AOX1: variants seen among roughly 807,000 people sequenced by gnomAD.
AOX1 encodes aldehyde oxidase.
AOX1 carries 153 observed loss-of-function variants against 169.5 expected under a neutral mutation model. The observed-to-expected ratio is 0.90, with a 90% CI of 0.79 to 1.03. The LOEUF is 1.03. AOX1 is among the 50% of genes least tolerant of loss of function. The probability of loss-of-function intolerance (pLI) is 0.00; values close to 1 mark genes in which losing one functional copy is unlikely to be tolerated. For synonymous variants in AOX1, 562 were observed against 581.9 expected, an observed-to-expected ratio of 0.97 and a Z score of 0.49; for missense variants, 1,656 against 1,663.9, an observed-to-expected ratio of 1.00 and a Z score of 0.08.
At chr2:200,602,056 A>G (rs2034426282) in intron 5 of AOX1, among the ~76,000 whole-genome samples, 4 of 152,016 alleles carry the variant, frequency 2.6e-5, no homozygotes, top group South Asian at 4.2e-4. Context: ...CAGAAGGCAT[A>G]ACTTTACAGG....
chr2:200,639,956 G>A (rs1454782998), intron 23 of AOX1, among the ~76,000 whole-genome samples: 1 of 150,548 alleles, frequency 6.6e-6, no homozygotes, highest in Non-Finnish European at 1.5e-5. Context: ...AGAATCGCTT[G>A]AACCTGGGAG....
At chr2:200,594,708 G>A (rs558698816) in intron 2 of AOX1, among the ~76,000 whole-genome samples, 1 of 152,318 alleles carries the variant, frequency 6.6e-6, no homozygotes, top group South Asian at 2.1e-4. Flanking sequence ...CCTAGCTGCA[G>A]AGGAGTCTGG....
intron 16 of AOX1, among the ~76,000 whole-genome samples, chr2:200,620,305 T>G (rs2034858248): frequency 6.6e-6 from 1 of 151,962 alleles, no homozygotes; most frequent in Admixed American, 6.6e-5. Context: ...TTCCAGCGAT[T>G]CTGTAGCCTC....
At chr2:200,666,795 A>G (rs776476808) in intron 32 of AOX1, 43 bp downstream of exon 32, 68 of 1,450,120 alleles carry the variant, frequency 4.7e-5, no homozygotes, top group Non-Finnish European at 6.1e-5. Flanking sequence ...TGTAAAAGCC[A>G]AAAGTGCGGT....
At chr2:200,651,300 G>T in intron 26 of AOX1, 99 bp downstream of exon 26, 1 of 999,790 alleles carries the variant, frequency 1.0e-6, no homozygotes, top group Non-Finnish European at 1.5e-6. Flanking sequence ...TTAGCCATAT[G>T]GTTGCAATGC....
rs577451341 is a variant in AOX1, at chr2:200,601,633, A to T, written c.437-651A>T. ...CTCAGTAAAATGGATTTTACTTTTT[A>T]AAAAAAAAATTAGTTTGGCTGAACA... is the stretch of plus-strand genomic sequence containing the variant. On this transcript the variant is annotated intron_variant, in intron 5 of 34. Coordinates refer to ENST00000374700, the MANE Select transcript of AOX1 (RefSeq NM_001159.4). Among the ~76,000 whole-genome samples the T allele has an allele frequency of 5.8e-3, 379 of 65,912 alleles. 4 individuals are homozygous for T. The highest frequency in any genetic ancestry group is 0.022 in the African/African-American group (350 of 16,028). 43.2% of individuals were successfully genotyped at this position (65,912 alleles called of 152,430 possible).
rs369949639 is a variant in AOX1, at chr2:200,669,608, T to A, written c.3832T>A (p.Ser1278Thr). The change falls in exon 34 of 35, where the codon TCC becomes ACC. Residue 1278 changes from serine (S) to threonine (T), a missense_variant. Transcript: ENST00000374700. The part of the protein sequence containing the change: ...LGESGVFLGC[S>T]VFFAIHDAVS... ...AGAGTCGGGGGTGTTCCTGGGGTGT[T>A]CCGTGTTTTTCGCTATCCATGACGC... The A allele has an allele frequency of 2.2e-5, 35 of 1,613,938 alleles. No homozygotes were observed. The East Asian group carries it at 6.7e-4, about 31-fold the overall frequency.
chr2:200,676,813 C>A, intron 4 of AOX1: 1 of 438,568 alleles, frequency 2.3e-6, no homozygotes, highest in Non-Finnish European at 4.7e-6. Context: ...GTTGGAGGAA[C>A]ACACTCAGGA....
chr2:200,657,035 G>A (rs190630124), intron 27 of AOX1, 98 bp downstream of exon 27: 1 of 822,058 alleles, frequency 1.2e-6, no homozygotes. Flanking sequence ...CAAAATACAG[G>A]ATAGGAAGCT....
chr2:200,637,397 TACAC>T (rs2035256547), intron 22 of AOX1, among the ~76,000 whole-genome samples: 1 of 152,156 alleles, frequency 6.6e-6, no homozygotes, highest in Admixed American at 6.5e-5. Flanking sequence ...TATATATACA[TACAC>T]ACATATATAT....
chr2:200,619,027 T>TC (rs1172144635), intron 16 of AOX1, among the ~76,000 whole-genome samples: 1 of 152,240 alleles, frequency 6.6e-6, no homozygotes, highest in African/African-American at 2.4e-5. Flanking sequence ...TTCAAGTATC[T>TC]AACTTATTGT....
chr2:200,640,237 G>A (rs1344625477), intron 23 of AOX1, among the ~76,000 whole-genome samples: 1 of 152,110 alleles, frequency 6.6e-6, no homozygotes, highest in African/African-American at 2.4e-5. Context: ...ATGCCTGACT[G>A]AGAGGGGCCT....
Position 200,627,323 on chromosome 2 carries a change from A to G in AOX1, c.2125-30A>G, listed in dbSNP as rs773080822. 8 of 1,535,948 alleles carry G rather than the reference A, an allele frequency of 5.2e-6. No individual in the cohort carries two copies. The African/African-American group carries it at 1.1e-4, about 21-fold the overall frequency. On this transcript the variant is annotated intron_variant, in intron 19 of 34. Coordinates refer to ENST00000374700, the MANE Select transcript of AOX1 (RefSeq NM_001159.4). ...GCCCTAGGGCAGGGTCTCTTGCCCA[A>G]GCTGCCTCATTCCTCTGTTCTCTTT...
chr2:200,624,003 G>T lies in AOX1; in HGVS notation c.2124+20G>T. The T allele has an allele frequency of 1.2e-6, 2 of 1,611,398 alleles. No individual in the cohort carries two copies. Among genetic ancestry groups the T allele is most frequent in the South Asian group, 2.2e-5 (2 of 91,000 alleles). On this transcript the variant is annotated intron_variant, in intron 19 of 34. Transcript: ENST00000374700. The stretch of plus-strand genomic sequence containing the variant: ...ATTGAGGTAATGAGTTCTGTGGAAT[G>T]GTGGTGCCAGTTGGGAGCCAGAACA...
chr2:200,673,021 C>T (rs1053876089), downstream of AOX1, among the ~76,000 whole-genome samples: 3 of 152,186 alleles, frequency 2.0e-5, no homozygotes, highest in Non-Finnish European at 4.4e-5. Flanking sequence ...GGCTGCAGAG[C>T]AGAAAAGTGA....
intron 12 of AOX1, among the ~76,000 whole-genome samples, chr2:200,609,933 A>T (rs2034600144): frequency 6.6e-6 from 1 of 152,182 alleles, no homozygotes; most frequent in Non-Finnish European, 1.5e-5. Flanking sequence ...CGCTTCTTCC[A>T]ACTTGCTTGA....
chr2:200,638,937 G>A lies in AOX1; in HGVS notation c.2568+635G>A, dbSNP rs532068480. ...ATAATCATTGAGGGGGGAAAGGGGA[G>A]GATTCTGCTTTATAAAATCATTCAG... On this transcript the variant is annotated intron_variant, in intron 23 of 34. Coordinates refer to ENST00000374700, the MANE Select transcript of AOX1 (RefSeq NM_001159.4). Among the ~76,000 whole-genome samples, 143 of 152,210 alleles carry A rather than the reference G, an allele frequency of 9.4e-4. 3 individuals carry two copies. The South Asian group carries it at 0.029, about 31-fold the overall frequency.
intron 29 of AOX1, among the ~76,000 whole-genome samples, 155 bp downstream of exon 29, chr2:200,660,224 T>C (rs1181461762): frequency 6.6e-6 from 1 of 152,232 alleles, no homozygotes; most frequent in Non-Finnish European, 1.5e-5. Flanking sequence ...GCTCTTAGCA[T>C]GTGGAAATCC....
chr2:200,605,009 TCTAA>T (rs2105700252), intron 9 of AOX1, among the ~76,000 whole-genome samples, 169 bp downstream of exon 9: 1 of 152,338 alleles, frequency 6.6e-6, no homozygotes, highest in Admixed American at 6.5e-5. Context: ...CAAGAGACTT[TCTAA>T]CTGTTATTAA....
Sources: gnomAD v4.1 joint callset for allele counts (sites outside exome capture counted in the v4.1 genomes callset) on GRCh38, gnomAD v4.1.1 for gene constraint, MANE v1.5 for transcripts, NCBI Gene and HGNC (gene_info 2026-07-23, HGNC 2026-07-21) for gene names.